NEMP2: variants seen among roughly 807,000 people sequenced by gnomAD.
NEMP2 encodes nuclear envelope integral membrane protein 2.
In NEMP2, 53 loss-of-function variants were observed where a neutral mutation model predicts 54.2. The observed-to-expected ratio is 0.98, with a 90% CI of 0.78 to 1.23. The LOEUF is 1.23. NEMP2 is among the 50% of genes most tolerant of loss of function. The pLI is 0.00. For missense variants in NEMP2, 455 were observed against 511.3 expected (o/e 0.89, Z 1.06); for synonymous variants, 197 against 190.3 (o/e 1.04, Z -0.29).
the NEMP2 span, chr2:190,488,574 CTAGT>C: frequency 2.5e-6 from 3 of 1,187,370 alleles, no homozygotes; most frequent in South Asian, 2.7e-5. The surrounding 1 kb of genome is among the most constrained non-coding windows in gnomAD (Gnocchi z 6.4). Context: ...AAATAGGTGC[CTAGT>C]TAAATAATTC....
At chr2:190,642,591 T>C in the NEMP2 span, among the ~76,000 whole-genome samples, 1 of 152,170 alleles carries the variant, frequency 6.6e-6, no homozygotes, top group Non-Finnish European at 1.5e-5. The surrounding 1 kb of genome is among the most constrained non-coding windows in gnomAD (Gnocchi z 4.1). Context: ...TTTAAAAGTT[T>C]ATTTAGTCTA....
the NEMP2 span, among the ~76,000 whole-genome samples, chr2:190,469,339 C>T: frequency 6.6e-6 from 1 of 152,124 alleles, no homozygotes; most frequent in Non-Finnish European, 1.5e-5. The surrounding 1 kb of genome is among the most constrained non-coding windows in gnomAD (Gnocchi z 5.3). Flanking sequence ...CCTTCCTTCC[C>T]CCATTGTAGT....
chr2:190,585,795 C>G, the NEMP2 span, among the ~76,000 whole-genome samples: 6 of 152,180 alleles, frequency 3.9e-5, no homozygotes, highest in East Asian at 1.9e-4. The surrounding 1 kb of genome is among the most constrained non-coding windows in gnomAD (Gnocchi z 5.3). Context: ...AGTCCAGGCA[C>G]TCTGCATTCT....
At chr2:190,642,966 A>AT in the NEMP2 span, among the ~76,000 whole-genome samples, 210 of 109,748 alleles carry the variant, frequency 1.9e-3, no homozygotes, top group Middle Eastern at 5.8e-3. The surrounding 1 kb of genome is among the most constrained non-coding windows in gnomAD (Gnocchi z 4.1). Flanking sequence ...AACTTCTTAC[A>AT]TTTTTTTTTT....
the NEMP2 span, among the ~76,000 whole-genome samples, chr2:190,602,781 A>G: frequency 6.6e-6 from 1 of 152,204 alleles, no homozygotes; most frequent in Non-Finnish European, 1.5e-5. Flanking sequence ...AGAAGAAGGG[A>G]TGTCAAGCAG....
rs1691276688 is a variant in NEMP2, at chr2:190,534,308, G to T, written c.97+251C>A. 9 of 1,181,150 alleles carry T rather than the reference G, an allele frequency of 7.6e-6. No homozygotes were observed. In the South Asian group the frequency reaches 3.7e-4, roughly 49 times the overall value. The allele number at this position is 1,181,150 out of a possible 1,614,324, so 73.2% of individuals were successfully genotyped here. On this transcript the variant is annotated intron_variant, in intron 1 of 8. Coordinates refer to ENST00000409150, the MANE Select transcript of NEMP2 (RefSeq NM_001142645.2). ...CTTCTGTAAAACGAGGGAATTGGGC[G>T]ACTGGATCGCGCGGTTGCTTCTAAT...
At chr2:190,431,521 A>C in the NEMP2 span, among the ~76,000 whole-genome samples, 2 of 152,226 alleles carry the variant, frequency 1.3e-5, no homozygotes, top group African/African-American at 2.4e-5. The surrounding 1 kb of genome is among the most constrained non-coding windows in gnomAD (Gnocchi z 4.4). Context: ...CGGCCAACAC[A>C]GCGAAACCCC....
the NEMP2 span, among the ~76,000 whole-genome samples, chr2:190,438,649 C>T: frequency 6.6e-6 from 1 of 152,218 alleles, no homozygotes; most frequent in Admixed American, 6.5e-5. The surrounding 1 kb of genome is among the most constrained non-coding windows in gnomAD (Gnocchi z 5.2). Context: ...TCCACTTAAG[C>T]ATTCTTGCCT....
the NEMP2 span, among the ~76,000 whole-genome samples, chr2:190,471,265 G>A: frequency 6.6e-6 from 1 of 152,328 alleles, no homozygotes; most frequent in East Asian, 1.9e-4. The surrounding 1 kb of genome is among the most constrained non-coding windows in gnomAD (Gnocchi z 4.7). Flanking sequence ...GTGCAGCGCG[G>A]TGAGCGTGAG....
At position 190,529,203 on chromosome 2, in the gene NEMP2, A is replaced by G. The variant is rs1257887347; in HGVS notation, c.98-3825T>C. Among the ~76,000 whole-genome samples, 1 of 152,048 alleles carries G rather than the reference A, an allele frequency of 6.6e-6. No homozygotes were observed. Among genetic ancestry groups the G allele is most frequent in the Non-Finnish European group, 1.5e-5 (1 of 67,986 alleles). ...AAACAAAAACAAACACAAACAAACA[A>G]AAACATGAATGGGAACCCATCATTT... On this transcript the variant is annotated intron_variant, in intron 1 of 8. Transcript: ENST00000409150. This position sits in a 1 kb window ranked among gnomAD's most constrained non-coding sequence, Gnocchi z 4.7.
the NEMP2 span, among the ~76,000 whole-genome samples, chr2:190,468,875 G>T: frequency 1.3e-5 from 2 of 152,068 alleles, no homozygotes; most frequent in Non-Finnish European, 2.9e-5. Flanking sequence ...GAGCATTAAG[G>T]TTAGGAAAAT....
the NEMP2 span, among the ~76,000 whole-genome samples, chr2:190,602,222 T>C: frequency 6.6e-6 from 1 of 152,154 alleles, no homozygotes; most frequent in Non-Finnish European, 1.5e-5. Context: ...GCTCATATGA[T>C]CGTGGGGGCA....
upstream of NEMP2, among the ~76,000 whole-genome samples, chr2:190,535,670 C>G (rs913737263): frequency 6.6e-6 from 1 of 152,214 alleles, no homozygotes; most frequent in Non-Finnish European, 1.5e-5. Flanking sequence ...ATGGACTAGG[C>G]TTTCCTTGCC....
At chr2:190,473,504 T>C in the NEMP2 span, among the ~76,000 whole-genome samples, 4 of 152,140 alleles carry the variant, frequency 2.6e-5, no homozygotes, top group African/African-American at 9.7e-5. Flanking sequence ...AAGGGATCAA[T>C]TCAACAAGAA....
At chr2:190,566,209 T>G in the NEMP2 span, among the ~76,000 whole-genome samples, 1 of 152,216 alleles carries the variant, frequency 6.6e-6, no homozygotes, top group Non-Finnish European at 1.5e-5. Context: ...GTAGACTAGA[T>G]AGAGAATGTC....
chr2:190,510,252 T>C lies in NEMP2; in HGVS notation c.1130+109A>G, dbSNP rs1377272925. The C allele has an allele frequency of 3.8e-6, 5 of 1,311,672 alleles. No individual in the cohort carries two copies. Among genetic ancestry groups the C allele is most frequent in the Middle Eastern group, 2.7e-4 (1 of 3,750 alleles). The allele number at this position is 1,311,672 out of a possible 1,614,324, so 81.3% of individuals were successfully genotyped here. Reference sequence around the variant, plus strand: ...CTGACAACTTCCACATCATCTGTTATCCAGGGAAACAGTCTATTTCTACCC... The same window carrying C: ...CTGACAACTTCCACATCATCTGTTACCCAGGGAAACAGTCTATTTCTACCC... On this transcript the variant is annotated intron_variant, in intron 8 of 8. Transcript: ENST00000409150. This position sits in a 1 kb window ranked among gnomAD's most constrained non-coding sequence, Gnocchi z 5.7.
the NEMP2 span, among the ~76,000 whole-genome samples, chr2:190,628,918 A>G: frequency 6.6e-6 from 1 of 152,184 alleles, no homozygotes; most frequent in South Asian, 2.1e-4. The surrounding 1 kb of genome is among the most constrained non-coding windows in gnomAD (Gnocchi z 4.1). Context: ...TGTTGACTCC[A>G]TAAGGCTTCT....
At chr2:190,430,207 C>CT in the NEMP2 span, among the ~76,000 whole-genome samples, 59,689 of 132,002 alleles carry the variant, frequency 0.45, 13,336 homozygotes, top group East Asian at 0.6. Context: ...AGTCCTCATT[C>CT]TTTTTTTTTT....
chr2:190,600,915 G>A, the NEMP2 span, among the ~76,000 whole-genome samples: 2 of 152,188 alleles, frequency 1.3e-5, no homozygotes, highest in South Asian at 2.1e-4. The surrounding 1 kb of genome is among the most constrained non-coding windows in gnomAD (Gnocchi z 4.9). Context: ...CAGCCCTGGC[G>A]GCCAGCATCC....
Sources: gnomAD v4.1 joint callset for allele counts (sites outside exome capture counted in the v4.1 genomes callset) on GRCh38, gnomAD v4.1.1 for gene constraint, Gnocchi (gnomAD v3.1) non-coding constraint, MANE v1.5 for transcripts, NCBI Gene and HGNC (gene_info 2026-07-23, HGNC 2026-07-21) for gene names.